The following SEMA5A variants were observed in gnomAD, a reference collection of about 807,000 sequenced individuals.
SEMA5A encodes semaphorin-5A.
A neutral mutation model predicts 135.5 loss-of-function variants in SEMA5A; 55 were observed. That is an observed-to-expected ratio of 0.41 (90% confidence interval 0.33 to 0.51). The LOEUF (loss-of-function observed/expected upper bound fraction) is 0.51. Ranked by LOEUF, SEMA5A falls within the 20% of genes least tolerant of loss-of-function variation. The pLI is 0.37. For synonymous variants in SEMA5A, 580 were observed against 546.5 expected (o/e 1.06, Z -0.85); for missense variants, 1,290 against 1,419.9 (o/e 0.91, Z 1.47).
At chr5:9,066,346 C>T in intron 17 of SEMA5A, 75 bp downstream of exon 17, 1 of 1,401,312 alleles carries the variant, frequency 7.1e-7, no homozygotes, top group Non-Finnish European at 1.0e-6. Flanking sequence ...TGCCCCCTTG[C>T]TGTTTATGAC....
chr5:9,050,765 G>GA (rs1158859403), intron 20 of SEMA5A, among the ~76,000 whole-genome samples: 2 of 152,212 alleles, frequency 1.3e-5, no homozygotes, highest in East Asian at 1.9e-4. Context: ...TTGCCGGGGG[G>GA]ATCCCCCCAC....
intron 1 of SEMA5A, among the ~76,000 whole-genome samples, chr5:9,520,960 G>GC (rs1736793791): frequency 6.6e-6 from 1 of 152,224 alleles, no homozygotes; most frequent in Admixed American, 6.5e-5. Flanking sequence ...ATAGAGCGTG[G>GC]CCTTCAGTGA....
intron 2 of SEMA5A, among the ~76,000 whole-genome samples, chr5:9,382,068 G>C (rs1755644879): frequency 6.6e-6 from 1 of 151,754 alleles, no homozygotes; most frequent in Admixed American, 6.6e-5. Context: ...GGCTGAGGCG[G>C]GTGGATCACC....
At chr5:9,391,143 ACTTCTTGTCGGG>A (rs1756142364) in intron 2 of SEMA5A, 1 of 152,094 alleles carries the variant, frequency 6.6e-6, no homozygotes, top group Admixed American at 6.5e-5. Context: ...CTACTAACTA[ACTTCTTGTCGGG>A]CCTGAAAATG....
At chr5:9,094,132 C>T (rs1165108985) in intron 16 of SEMA5A, among the ~76,000 whole-genome samples, 1 of 152,172 alleles carries the variant, frequency 6.6e-6, no homozygotes, top group Non-Finnish European at 1.5e-5. Context: ...AGAAAGTTTA[C>T]TGTATCCATC....
At chr5:9,415,037 T>G (rs1332581473) in intron 2 of SEMA5A, among the ~76,000 whole-genome samples, 1 of 152,176 alleles carries the variant, frequency 6.6e-6, no homozygotes, top group Non-Finnish European at 1.5e-5. Context: ...CTCCCAAAGA[T>G]CAATCTACTT....
chr5:9,228,263 A>T (rs1473822293), intron 6 of SEMA5A, among the ~76,000 whole-genome samples: 1 of 152,220 alleles, frequency 6.6e-6, no homozygotes, highest in Non-Finnish European at 1.5e-5. Context: ...GGAGCTGACA[A>T]CTAAGTGTTA....
intron 1 of SEMA5A, among the ~76,000 whole-genome samples, chr5:9,530,535 C>G (rs959762833): frequency 6.6e-6 from 1 of 152,080 alleles, no homozygotes; most frequent in African/African-American, 2.4e-5. Context: ...CCAGGTGCTT[C>G]TCTTTCAGGT....
chr5:9,103,874 G>A (rs574010992), intron 16 of SEMA5A, among the ~76,000 whole-genome samples: 3 of 152,152 alleles, frequency 2.0e-5, no homozygotes, highest in South Asian at 2.1e-4. Flanking sequence ...GTTTATCTTC[G>A]ATTAATTCCT....
intron 3 of SEMA5A, among the ~76,000 whole-genome samples, chr5:9,360,664 G>A (rs759111699): frequency 2.0e-5 from 3 of 152,068 alleles, no homozygotes; most frequent in Admixed American, 6.6e-5. Context: ...CAATATTCTC[G>A]GCACTAGGCT....
At chr5:9,355,660 A>C (rs1019425605) in intron 3 of SEMA5A, among the ~76,000 whole-genome samples, 1 of 152,132 alleles carries the variant, frequency 6.6e-6, no homozygotes, top group African/African-American at 2.4e-5. Context: ...GAAGTCCTGG[A>C]GCTCAGAGGG....
chr5:9,436,273 C>T (rs182429919), intron 2 of SEMA5A, among the ~76,000 whole-genome samples: 8 of 152,366 alleles, frequency 5.3e-5, no homozygotes, highest in Admixed American at 4.6e-4. Flanking sequence ...AGCAAGCCAA[C>T]ACAGGCTCCA....
At chr5:9,392,056 C>T (rs149550646) in intron 2 of SEMA5A, among the ~76,000 whole-genome samples, 125 of 152,258 alleles carry the variant, frequency 8.2e-4, no homozygotes, top group African/African-American at 2.8e-3. Context: ...TTGCAGATGG[C>T]GCTTGCTGGC....
chr5:9,426,350 G>C (rs375249716), intron 2 of SEMA5A, among the ~76,000 whole-genome samples: 92 of 151,586 alleles, frequency 6.1e-4, no homozygotes, highest in African/African-American at 1.8e-3. Flanking sequence ...GCGTGATCCT[G>C]GGAGGCGGAG....
At chr5:9,421,534 T>G (rs1227413539) in intron 2 of SEMA5A, among the ~76,000 whole-genome samples, 2 of 152,352 alleles carry the variant, frequency 1.3e-5, no homozygotes, top group East Asian at 3.9e-4. Flanking sequence ...CTTTGTATAG[T>G]ACATATTCCC....
intron 3 of SEMA5A, among the ~76,000 whole-genome samples, chr5:9,366,434 G>A (rs1023039229): frequency 1.3e-5 from 2 of 151,494 alleles, no homozygotes; most frequent in Non-Finnish European, 2.9e-5. Flanking sequence ...TGTCGCCCAG[G>A]CTGAAGTGCA....
At chr5:9,165,648 G>A (rs572398836) in intron 11 of SEMA5A, among the ~76,000 whole-genome samples, 75 of 152,274 alleles carry the variant, frequency 4.9e-4, no homozygotes, top group African/African-American at 1.7e-3. Flanking sequence ...TGTCCAAGAG[G>A]CATTTCTAGT....
At chr5:9,482,240 A>T (rs1427223069) in intron 1 of SEMA5A, among the ~76,000 whole-genome samples, 1 of 152,196 alleles carries the variant, frequency 6.6e-6, no homozygotes, top group African/African-American at 2.4e-5. Context: ...CAGAAGATTC[A>T]GGACATCTAT....
intron 3 of SEMA5A, among the ~76,000 whole-genome samples, chr5:9,378,103 A>C (rs567959548): frequency 2.0e-5 from 3 of 152,202 alleles, no homozygotes; most frequent in East Asian, 3.9e-4. Flanking sequence ...AATTATAATA[A>C]TCAAAATAAG....
Sources: gnomAD v4.1 joint callset for allele counts (sites outside exome capture counted in the v4.1 genomes callset) on GRCh38, gnomAD v4.1.1 for gene constraint, MANE v1.5 for transcripts, NCBI Gene and HGNC (gene_info 2026-07-23, HGNC 2026-07-21) for gene names.